The following TMEM168 variants were observed in gnomAD, a reference collection of about 807,000 sequenced individuals.
The protein encoded by TMEM168 is transmembrane protein 168.
A neutral mutation model predicts 53.2 loss-of-function variants in TMEM168; 40 were observed. The ratio of observed to expected loss-of-function variants is 0.75; its 90% CI spans 0.58 to 0.98. TMEM168 has a LOEUF of 0.98. TMEM168 is among the 50% of genes least tolerant of loss of function. The probability of loss-of-function intolerance (pLI) is 0.00; values close to 1 mark genes in which losing one functional copy is unlikely to be tolerated. For synonymous variants in TMEM168, 282 were observed against 293.0 expected (o/e 0.96, Z 0.38); for missense variants, 771 against 828.8 (o/e 0.93, Z 0.86).
chr7:112,767,150 T>C lies in TMEM168; in HGVS notation c.*47A>G. ...CATACAAAAAATGGCAAGTTAGTGA[T>C]AATTGGTAGTATGAGTGCTTATTAA... On this transcript the variant is annotated 3_prime_UTR_variant, in exon 5 of 5. Transcript: ENST00000312814. 1.3e-6 allele frequency: 2 copies of C among 1,526,962 alleles called. No homozygotes were observed. The highest frequency in any genetic ancestry group is 1.8e-6 in the Non-Finnish European group (2 of 1,135,996). 94.6% of individuals were successfully genotyped at this position (1,526,962 alleles called of 1,614,324 possible).
At chr7:112,787,782 G>A (rs556577775) in intron 1 of TMEM168, among the ~76,000 whole-genome samples, 1 of 119,668 alleles carries the variant, frequency 8.4e-6, no homozygotes, top group Admixed American at 1.1e-4. Flanking sequence ...GCCCAGGCTG[G>A]AATACAATGG....
intron 3 of TMEM168, among the ~76,000 whole-genome samples, chr7:112,774,539 A>G (rs913209408): frequency 2.0e-5 from 3 of 151,068 alleles, no homozygotes; most frequent in Non-Finnish European, 3.0e-5. Context: ...ACGTTTTACT[A>G]TATTTCACTA....
rs1792709354 is a variant in TMEM168, at chr7:112,763,788, A to G, written c.*3409T>C. On this transcript the variant is annotated 3_prime_UTR_variant, in exon 5 of 5. Coordinates refer to ENST00000312814, the MANE Select transcript of TMEM168 (RefSeq NM_022484.6). ...TCCAGTTACAAATAGATTCTAATAAAGATTTTACTCAAAACAAAAATCTAC... is the reference window on the plus strand; with the variant it reads ...TCCAGTTACAAATAGATTCTAATAAGGATTTTACTCAAAACAAAAATCTAC... 6.6e-6 allele frequency: 1 copy of G among 152,166 alleles called. No homozygotes were observed. The highest frequency in any genetic ancestry group is 1.5e-5 in the Non-Finnish European group (1 of 68,008). The allele number at this position is 152,166 out of a possible 1,614,324, so 9.4% of individuals were successfully genotyped here.
intron 1 of TMEM168, among the ~76,000 whole-genome samples, chr7:112,789,872 C>A (rs2116326126): frequency 6.6e-6 from 1 of 152,354 alleles, no homozygotes; most frequent in East Asian, 1.9e-4. Context: ...CTCCTTCTAG[C>A]GAGATGTGGG....
Position 112,775,236 on chromosome 7 carries a change from C to T in TMEM168, c.1211G>A (p.Gly404Asp). ...SMAHGLFHEL[G>D]NCLGGTSVGY... The stretch of plus-strand genomic sequence containing the variant: ...AACAGATGTTCCTCCTAAACAGTTA[C>T]CCAATTCATGGAAGAGCCCATGAGC... Residue 404 changes from glycine (G) to aspartate (D), a missense_variant, in exon 3 of 5, where the codon GGT becomes GAT. Coordinates refer to ENST00000312814, the MANE Select transcript of TMEM168 (RefSeq NM_022484.6). 1 of 1,613,728 alleles carries T rather than the reference C, an allele frequency of 6.2e-7. No individual in the cohort carries two copies. Among genetic ancestry groups the T allele is most frequent in the Non-Finnish European group, 8.5e-7 (1 of 1,179,864 alleles).
intron 4 of TMEM168, among the ~76,000 whole-genome samples, chr7:112,771,105 TA>T (rs1205371182): frequency 2.0e-5 from 3 of 152,216 alleles, no homozygotes; most frequent in Middle Eastern, 3.2e-3. Context: ...ACGTTGTAAT[TA>T]AAAAGTTATA....
rs530863309 is a variant in TMEM168 at position 112,784,145 on chromosome 7, C to A, written c.681G>T (p.Ala227=). ...CAGTTATCAGGCAAATAAAAAAACA[C>A]GCAAAAGCAATCGGATTTTTGGGAG... ...LETPKNPIAF[A]CFFICLITDP... is the part of the protein sequence containing the mutation. The change falls in exon 2 of 5, where the codon GCG becomes GCT. Residue 227 remains alanine, a synonymous_variant. Transcript: ENST00000312814. 7 of 1,613,656 alleles carry A rather than the reference C, an allele frequency of 4.3e-6. No individual in the cohort carries two copies. The Admixed American group carries it at 5.0e-5, about 12-fold the overall frequency.
intron 3 of TMEM168, among the ~76,000 whole-genome samples, chr7:112,773,625 A>G (rs1009956266): frequency 1.3e-5 from 2 of 152,128 alleles, no homozygotes; most frequent in East Asian, 3.8e-4. Flanking sequence ...ACCACTGGAC[A>G]CTAGTTGAAG....
chr7:112,777,977 T>C (rs536804888), intron 2 of TMEM168, among the ~76,000 whole-genome samples: 1 of 150,842 alleles, frequency 6.6e-6, no homozygotes, highest in South Asian at 2.1e-4. Context: ...ACACTGGATA[T>C]AAAAATTATA....
At chr7:112,777,321 C>T (rs1170664264) in intron 2 of TMEM168, among the ~76,000 whole-genome samples, 2 of 152,102 alleles carry the variant, frequency 1.3e-5, no homozygotes, top group East Asian at 3.8e-4. Flanking sequence ...TTTTCTTCTA[C>T]AGAAACACTC....
chr7:112,770,504 T>A (rs1479061410), intron 4 of TMEM168, among the ~76,000 whole-genome samples: 2 of 152,172 alleles, frequency 1.3e-5, no homozygotes, highest in African/African-American at 4.8e-5. Flanking sequence ...ATGTAACTGC[T>A]AAACATTTAC....
rs558065713 is a variant in TMEM168 at position 112,770,365 on chromosome 7, CT to C, written c.1546+2415del. Among the ~76,000 whole-genome samples, 3 of 152,066 alleles carry C rather than the reference CT, an allele frequency of 2.0e-5. No homozygotes were observed. The South Asian group carries it at 6.2e-4, about 32-fold the overall frequency. ...AGGGAGATCAGTATGCTTTCTCTCT[CT>C]TTTTTTTAAACTTCTTATAATAAGC... On this transcript the variant is annotated intron_variant, in intron 4 of 4. Coordinates refer to ENST00000312814, the MANE Select transcript of TMEM168 (RefSeq NM_022484.6).
chr7:112,771,406 TTCATCGTTTGAAAAA>T (rs1287983371), intron 4 of TMEM168, among the ~76,000 whole-genome samples: 1 of 152,152 alleles, frequency 6.6e-6, no homozygotes, highest in Admixed American at 6.5e-5. Context: ...CAATTTCCAT[TTCATCGTTTGAAAAA>T]TGAAGATAAC....
At chr7:112,778,798 A>T (rs1246204890) in intron 2 of TMEM168, 1 of 152,222 alleles carries the variant, frequency 6.6e-6, no homozygotes, top group Non-Finnish European at 1.5e-5. Context: ...AGTAGACTAA[A>T]TAAGTAGATA....
intron 2 of TMEM168, chr7:112,778,762 G>A (rs569528184): frequency 2.0e-5 from 3 of 152,176 alleles, no homozygotes; most frequent in African/African-American, 7.2e-5. Context: ...TGTTGGTTTT[G>A]CAACATTGAT....
chr7:112,772,700 T>C (rs889259206), intron 4 of TMEM168, 81 bp downstream of exon 4: 1 of 1,492,268 alleles, frequency 6.7e-7, no homozygotes, highest in Non-Finnish European at 9.0e-7. Context: ...TCCTGGAAAT[T>C]TAACGACTGT....
chr7:112,782,383 T>C (rs763387012), intron 2 of TMEM168, among the ~76,000 whole-genome samples: 1 of 152,082 alleles, frequency 6.6e-6, no homozygotes, highest in African/African-American at 2.4e-5. Context: ...GTTAACAGAA[T>C]TTGAAAGCCT....
At chr7:112,775,707 A>G (rs1425253801) in intron 2 of TMEM168, among the ~76,000 whole-genome samples, 1 of 152,158 alleles carries the variant, frequency 6.6e-6, no homozygotes, top group Admixed American at 6.5e-5. Flanking sequence ...CATTTTTCAA[A>G]TAACAGATTT....
Position 112,762,969 on chromosome 7 carries a change from A to T in TMEM168, c.*4228T>A, listed in dbSNP as rs1412662435. The T allele has an allele frequency of 6.6e-6, 1 of 152,028 alleles. No homozygotes were observed. The allele number at this position is 152,028 out of a possible 1,614,324, so 9.4% of individuals were successfully genotyped here. On this transcript the variant is annotated 3_prime_UTR_variant, in exon 5 of 5. Coordinates refer to ENST00000312814, the MANE Select transcript of TMEM168 (RefSeq NM_022484.6). Reference sequence around the variant, plus strand: ...GCCTATTTTACTGACCTTCCAATTTAGTTGTCACTGATATGCATAGTCAAA... The same window carrying T: ...GCCTATTTTACTGACCTTCCAATTTTGTTGTCACTGATATGCATAGTCAAA...
Sources: gnomAD v4.1 joint callset for allele counts (sites outside exome capture counted in the v4.1 genomes callset) on GRCh38, gnomAD v4.1.1 for gene constraint, MANE v1.5 for transcripts, NCBI Gene and HGNC (gene_info 2026-07-23, HGNC 2026-07-21) for gene names.